Variants in PIK3C2G observed in about 807,000 individuals in gnomAD.
The protein encoded by PIK3C2G is phosphatidylinositol 3-kinase C2 domain-containing subunit gamma.
PIK3C2G carries 168 observed loss-of-function variants against 181.1 expected under a neutral mutation model. The observed-to-expected ratio is 0.93, with a 90% CI of 0.82 to 1.05. The LOEUF (loss-of-function observed/expected upper bound fraction) is 1.05. PIK3C2G is among the 50% of genes least tolerant of loss of function. The pLI, the probability that PIK3C2G is intolerant of heterozygous loss-of-function variation, is 0.00. For synonymous variants in PIK3C2G, 573 were observed against 592.2 expected, an observed-to-expected ratio of 0.97 and a Z score of 0.47; for missense variants, 1,869 against 1,732.8, an observed-to-expected ratio of 1.08 and a Z score of -1.40.
At chr12:18,502,642 T>G (rs1941569453) in intron 22 of PIK3C2G, among the ~76,000 whole-genome samples, 1 of 152,144 alleles carries the variant, frequency 6.6e-6, no homozygotes, top group Admixed American at 6.5e-5. Flanking sequence ...AAGAAAGCCT[T>G]GATGGATATA....
the PIK3C2G span, among the ~76,000 whole-genome samples, chr12:18,721,724 A>C: frequency 6.6e-6 from 1 of 151,900 alleles, no homozygotes; most frequent in Non-Finnish European, 1.5e-5. Context: ...TTAAAAAAAA[A>C]AAAAAAAGTC....
At chr12:18,372,486 G>C (rs2137886980) in intron 13 of PIK3C2G, 1 of 152,296 alleles carries the variant, frequency 6.6e-6, no homozygotes, top group African/African-American at 2.4e-5. Context: ...GCTGTTAGCA[G>C]ACATTTCAAA....
At chr12:18,640,300 T>C (rs954166042) in intron 31 of PIK3C2G, 129 bp from the exon 32 acceptor site, 2 of 711,680 alleles carry the variant, frequency 2.8e-6, no homozygotes, top group Non-Finnish European at 4.5e-6. Flanking sequence ...TGATTTTCTC[T>C]TATTTTCACA....
the PIK3C2G span, chr12:18,723,608 G>A: frequency 8.5e-7 from 1 of 1,180,034 alleles, no homozygotes; most frequent in South Asian, 1.3e-5. Flanking sequence ...GAATATTAGA[G>A]TATTTATGTA....
intron 24 of PIK3C2G, among the ~76,000 whole-genome samples, chr12:18,537,072 C>A (rs919367407): frequency 6.6e-6 from 1 of 151,918 alleles, no homozygotes; most frequent in Non-Finnish European, 1.5e-5. Context: ...CCCCCCTGTC[C>A]CAAACCTGCC....
chr12:18,704,695 T>C, the PIK3C2G span, among the ~76,000 whole-genome samples: 4 of 152,160 alleles, frequency 2.6e-5, no homozygotes, highest in South Asian at 6.2e-4. Flanking sequence ...GTGGACGTGA[T>C]TTTTCAAAGC....
chr12:18,516,957 G>T (rs1213825446), intron 24 of PIK3C2G, among the ~76,000 whole-genome samples: 1 of 150,822 alleles, frequency 6.6e-6, no homozygotes, highest in Non-Finnish European at 1.5e-5. Flanking sequence ...ACATTTTATA[G>T]AACTTCAATT....
chr12:18,695,002 A>AT, the PIK3C2G span: 1 of 1,611,328 alleles, frequency 6.2e-7, no homozygotes. Flanking sequence ...TTCAAAATAT[A>AT]TCCAGAACCA....
intron 5 of PIK3C2G, 69 bp from the exon 6 acceptor site, chr12:18,313,893 C>A: frequency 1.2e-6 from 1 of 830,624 alleles, no homozygotes; most frequent in South Asian, 1.6e-5. Flanking sequence ...AAAATGAAGT[C>A]AGAGAGGAAA....
chr12:18,544,426 G>A (rs1022452444), intron 25 of PIK3C2G, among the ~76,000 whole-genome samples: 2 of 151,808 alleles, frequency 1.3e-5, no homozygotes, highest in African/African-American at 4.8e-5. Context: ...TGTAATTAAA[G>A]AGATAAGGAT....
At chr12:18,607,944 G>GA (rs1246247389) in intron 30 of PIK3C2G, among the ~76,000 whole-genome samples, 1 of 152,080 alleles carries the variant, frequency 6.6e-6, no homozygotes, top group East Asian at 1.9e-4. Context: ...AAAGACACAT[G>GA]AAAAAATGCT....
chr12:18,554,096 T>C (rs1362892969), intron 26 of PIK3C2G, among the ~76,000 whole-genome samples: 1 of 152,056 alleles, frequency 6.6e-6, no homozygotes, highest in Non-Finnish European at 1.5e-5. Context: ...GATGCAACAG[T>C]TGAATATCCT....
At chr12:18,467,349 A>G (rs1452785081) in intron 18 of PIK3C2G, among the ~76,000 whole-genome samples, 2 of 151,978 alleles carry the variant, frequency 1.3e-5, no homozygotes, top group East Asian at 1.9e-4. Context: ...AACCTCCAAA[A>G]CCACAAAGCA....
intron 18 of PIK3C2G, among the ~76,000 whole-genome samples, chr12:18,486,832 C>T (rs1940088040): frequency 2.0e-5 from 3 of 152,140 alleles, no homozygotes; most frequent in South Asian, 2.1e-4. Context: ...CTGAGCAGTA[C>T]ACAATTCTGC....
chr12:18,245,995 A>G (rs1216600329), upstream of PIK3C2G, among the ~76,000 whole-genome samples: 1 of 152,206 alleles, frequency 6.6e-6, no homozygotes, highest in Non-Finnish European at 1.5e-5. Context: ...TAGCTTATCA[A>G]GAATAAAATA....
intron 24 of PIK3C2G, among the ~76,000 whole-genome samples, chr12:18,530,271 C>T (rs1943478467): frequency 6.6e-6 from 1 of 152,128 alleles, no homozygotes; most frequent in African/African-American, 2.4e-5. Flanking sequence ...CCTGTTTTTC[C>T]CTTCTGAAGT....
rs143896492 is a variant in PIK3C2G at position 18,282,724 on chromosome 12, G to A, written c.643G>A (p.Gly215Arg). Reference protein sequence around the residue: ...LMLLKGSLQPGMWESTWQKNI... With the variant: ...LMLLKGSLQPRMWESTWQKNI... Reference sequence around the variant, plus strand: ...GCTTTTGAAAGGCTCTCTTCAACCCGGAATGTGGGAAAGTACATGGCAGAA... The same window carrying A: ...GCTTTTGAAAGGCTCTCTTCAACCCAGAATGTGGGAAAGTACATGGCAGAA... Residue 215 changes from glycine to arginine, a missense_variant, in exon 2 of 33, where the codon GGA becomes AGA. Coordinates refer to ENST00000538779, the MANE Select transcript of PIK3C2G (RefSeq NM_001288772.2). 73 of 1,609,972 alleles carry A rather than the reference G, an allele frequency of 4.5e-5. No homozygotes were observed. Among genetic ancestry groups the A allele is most frequent in the African/African-American group, 3.2e-4 (24 of 74,790 alleles).
At chr12:18,253,925 T>C (rs1281488210) in intron 1 of PIK3C2G, among the ~76,000 whole-genome samples, 2 of 151,888 alleles carry the variant, frequency 1.3e-5, no homozygotes, top group Non-Finnish European at 1.5e-5. Context: ...AGATTGCATG[T>C]TTCAGTTTTT....
chr12:18,476,656 A>T (rs1387804669), intron 18 of PIK3C2G, among the ~76,000 whole-genome samples: 1 of 152,048 alleles, frequency 6.6e-6, no homozygotes, highest in African/African-American at 2.4e-5. Flanking sequence ...AGAAAACTTG[A>T]TGTTGGGGAT....
Sources: allele counts gnomAD v4.1 joint callset (sites outside exome capture counted in the v4.1 genomes callset), GRCh38; gene constraint gnomAD v4.1.1; transcripts MANE v1.5; gene names NCBI Gene and HGNC (gene_info 2026-07-23, HGNC 2026-07-21).